The following OTOA variants were observed in gnomAD, a reference collection of about 807,000 sequenced individuals.
The protein encoded by OTOA is otoancorin, also known as cancer/testis antigen 108.
OTOA carries 70 observed loss-of-function variants against 110.8 expected under a neutral mutation model. That is an observed-to-expected ratio of 0.63 (90% CI 0.52 to 0.77). The LOEUF is 0.77. Among genes scored for constraint, OTOA ranks in the 30% least tolerant of loss-of-function variants. OTOA has a pLI of 0.00. For synonymous variants in OTOA, 373 were observed against 431.5 expected (o/e 0.86, Z 1.68); for missense variants, 917 against 1,075.8 (o/e 0.85, Z 2.06).
intron 19 of OTOA, 81 bp from the exon 20 acceptor site, chr16:21,728,160 C>A: frequency 6.4e-7 from 1 of 1,562,088 alleles, no homozygotes; most frequent in South Asian, 1.1e-5. Flanking sequence ...CCACAGTGCC[C>A]ACCCCACAGG....
At chr16:21,683,706 TAAAACA>T (rs917320028) in intron 6 of OTOA, among the ~76,000 whole-genome samples, 1 of 151,478 alleles carries the variant, frequency 6.6e-6, no homozygotes, top group African/African-American at 2.4e-5. Flanking sequence ...ACCCCGTCTC[TAAAACA>T]AAAACAAAAA....
intron 15 of OTOA, among the ~76,000 whole-genome samples, chr16:21,717,676 G>A (rs552542733): frequency 9.5e-4 from 145 of 152,278 alleles, no homozygotes; most frequent in African/African-American, 3.3e-3. Context: ...GGATGGTGCT[G>A]TTGAAGTGGA....
At chr16:21,750,131 G>A (rs1899784170) in intron 24 of OTOA, among the ~76,000 whole-genome samples, 1 of 152,298 alleles carries the variant, frequency 6.6e-6, no homozygotes, top group African/African-American at 2.4e-5. Flanking sequence ...AAAGGGGCTG[G>A]GTGCACTGTG....
intron 10 of OTOA, among the ~76,000 whole-genome samples, 198 bp from the exon 11 acceptor site, chr16:21,700,690 A>C (rs1339573126): frequency 6.9e-6 from 1 of 145,698 alleles, no homozygotes; most frequent in Non-Finnish European, 1.5e-5. Context: ...ATGTCACTGC[A>C]CTCCAGCCTG....
intron 9 of OTOA, among the ~76,000 whole-genome samples, chr16:21,694,046 G>A (rs1310641841): frequency 2.0e-5 from 3 of 152,184 alleles, no homozygotes; most frequent in Admixed American, 1.3e-4. Context: ...GAGCATGCCT[G>A]TGTCCCAGTA....
intron 1 of OTOA, among the ~76,000 whole-genome samples, chr16:21,671,145 A>T (rs1414481504): frequency 6.6e-6 from 1 of 152,136 alleles, no homozygotes; most frequent in East Asian, 1.9e-4. Context: ...TATTTAATAA[A>T]CTTGTATACA....
At chr16:21,671,586 C>CAAA (rs369010025) in intron 1 of OTOA, among the ~76,000 whole-genome samples, 2 of 78,512 alleles carry the variant, frequency 2.5e-5, no homozygotes, top group Non-Finnish European at 5.1e-5. Context: ...GACTCCATAT[C>CAAA]AAAAAAAAAA....
At chr16:21,710,217 T>G in intron 13 of OTOA, 114 bp downstream of exon 13, 1 of 1,168,254 alleles carries the variant, frequency 8.6e-7, no homozygotes, top group African/African-American at 1.5e-5. Context: ...CAACATAAAT[T>G]TATTTCTCAC....
chr16:21,664,430 G>C (rs368830042), intron 1 of OTOA, among the ~76,000 whole-genome samples, 198 bp downstream of exon 1: 56 of 152,134 alleles, frequency 3.7e-4, no homozygotes, highest in East Asian at 1.5e-3. Context: ...GCACTTGGAG[G>C]GGGGGGACGA....
At chr16:21,717,498 G>T (rs952159156) in intron 15 of OTOA, among the ~76,000 whole-genome samples, 1 of 152,132 alleles carries the variant, frequency 6.6e-6, no homozygotes, top group African/African-American at 2.4e-5. Flanking sequence ...TTATTTATTA[G>T]CTTTGGAGAA....
intron 8 of OTOA, among the ~76,000 whole-genome samples, chr16:21,687,858 T>G (rs1023658597): frequency 6.6e-6 from 1 of 151,846 alleles, no homozygotes; most frequent in African/African-American, 2.4e-5. Context: ...CAGATGGAGT[T>G]TCACCATGTT....
intron 12 of OTOA, among the ~76,000 whole-genome samples, chr16:21,707,645 C>A (rs941334860): frequency 2.8e-4 from 29 of 104,192 alleles, no homozygotes; most frequent in Middle Eastern, 9.4e-3. Context: ...TTCTTTCTTT[C>A]TTTCTTTCTT....
chr16:21,729,151 G>A (rs559976617), intron 20 of OTOA, among the ~76,000 whole-genome samples: 11 of 136,708 alleles, frequency 8.0e-5, no homozygotes, highest in African/African-American at 2.8e-4. Context: ...CCTCCCACCT[G>A]AGCCTCCCAA....
intron 5 of OTOA, 109 bp from the exon 6 acceptor site, chr16:21,681,629 C>A: frequency 1.2e-6 from 1 of 860,806 alleles, no homozygotes; most frequent in Non-Finnish European, 2.0e-6. Context: ...GTACAAAGTC[C>A]TAACACCCCT....
chr16:21,695,889 A>ATATTTT (rs1555497939), intron 9 of OTOA, among the ~76,000 whole-genome samples: 1 of 63,654 alleles, frequency 1.6e-5, no homozygotes, highest in Non-Finnish European at 2.6e-5. Context: ...ATATATATAT[A>ATATTTT]TATTTTTTTT....
At chr16:21,686,732 T>C (rs374397376) in intron 7 of OTOA, among the ~76,000 whole-genome samples, 14 of 151,948 alleles carry the variant, frequency 9.2e-5, no homozygotes, top group African/African-American at 3.4e-4. Flanking sequence ...CAAAACTCCA[T>C]CTCTACAAAA....
At chr16:21,694,449 A>G (rs1379555687) in intron 9 of OTOA, among the ~76,000 whole-genome samples, 2 of 152,100 alleles carry the variant, frequency 1.3e-5, no homozygotes, top group Non-Finnish European at 2.9e-5. Context: ...TCTCTAAAAA[A>G]AAGTCCAAAA....
chr16:21,714,455 TC>T (rs1403072693), intron 13 of OTOA, among the ~76,000 whole-genome samples: 8 of 85,806 alleles, frequency 9.3e-5, no homozygotes, highest in South Asian at 4.3e-4. Flanking sequence ...TTTCTCTCTC[TC>T]TCTCTTCTTT....
chr16:21,666,067 C>T (rs544595903), intron 1 of OTOA, among the ~76,000 whole-genome samples: 35 of 152,156 alleles, frequency 2.3e-4, no homozygotes, highest in Middle Eastern at 3.4e-3. Context: ...AAGTGATCCT[C>T]CCACCTTGGC....
Sources: gnomAD v4.1 joint callset for allele counts (sites outside exome capture counted in the v4.1 genomes callset) on GRCh38, gnomAD v4.1.1 for gene constraint, MANE v1.5 for transcripts, NCBI Gene and HGNC (gene_info 2026-07-23, HGNC 2026-07-21) for gene names.